The following CRCP variants were observed in gnomAD, a reference collection of about 807,000 sequenced individuals.
The protein encoded by CRCP is DNA-directed RNA polymerase III subunit RPC9.
CRCP carries 18 observed loss-of-function variants against 18.5 expected under a neutral mutation model. The ratio of observed to expected loss-of-function variants is 0.97; its 90% CI spans 0.67 to 1.44. CRCP has a LOEUF of 1.44. CRCP is among the 40% of genes most tolerant of loss of function. The pLI, the probability that CRCP is intolerant of heterozygous loss-of-function variation, is 0.00. For synonymous variants in CRCP, 53 were observed against 62.9 expected (o/e 0.84, Z 0.75); for missense variants, 130 against 176.4 (o/e 0.74, Z 1.49).
At chr7:66,148,209 G>A (rs1788356353) in intron 5 of CRCP, among the ~76,000 whole-genome samples, 1 of 151,998 alleles carries the variant, frequency 6.6e-6, no homozygotes, top group Non-Finnish European at 1.5e-5. Context: ...TAAAAATACA[G>A]AAATTAGCTG....
rs753791882 is a variant in CRCP, at chr7:66,130,774, C to T, written c.76C>T (p.Gln26Ter). The T allele has an allele frequency of 1.0e-5, 16 of 1,607,548 alleles. No homozygotes were observed. In the South Asian group the frequency reaches 1.8e-4, roughly 18 times the overall value. Residue 26 changes from glutamine (Q) to a stop codon, truncating the protein, a stop_gained, in exon 3 of 6, where the codon CAG (glutamine) becomes TAG (stop). Coordinates refer to ENST00000395326, the MANE Select transcript of CRCP (RefSeq NM_014478.5). LOFTEE classifies it high-confidence loss of function. ...TCAGTTACTAACTGATCTGAAAGAG[C>T]AGCGTAAAGAAAGTGGAAAGAATAA... ...VFQLLTDLKE[Q>*]RKESGKNKHS...
chr7:66,150,366 T>C (rs1788422003), intron 5 of CRCP, among the ~76,000 whole-genome samples: 1 of 24,540 alleles, frequency 4.1e-5, no homozygotes, highest in Admixed American at 4.9e-4. Context: ...AGGGGGGGAG[T>C]TGAAGATTGT....
Position 66,152,305 on chromosome 7 carries a change from A to G in CRCP, c.395A>G (p.Gln132Arg), listed in dbSNP as rs763575525. ...CTGCCTGCAGAGCCAGAGGCTGAGCAGAAGAAGAATACAAACAGCAATGTG... is the reference window on the plus strand; with the variant it reads ...CTGCCTGCAGAGCCAGAGGCTGAGCGGAAGAAGAATACAAACAGCAATGTG... ...SILPAEPEAEQKKNTNSNVAM... is the reference protein window; with the variant it reads ...SILPAEPEAERKKNTNSNVAM... The change falls in exon 6 of 6, where the codon CAG (glutamine) becomes CGG (arginine). Residue 132 changes from glutamine to arginine, a missense_variant. Transcript: ENST00000395326. 1 of 1,614,000 alleles carries G rather than the reference A, an allele frequency of 6.2e-7. No homozygotes were observed. The highest frequency in any genetic ancestry group is 1.7e-5 in the Admixed American group (1 of 59,994).
Position 66,126,970 on chromosome 7 carries a change from A to G in CRCP, c.9-734A>G, listed in dbSNP as rs74982897. 2.4e-3 allele frequency among the ~76,000 whole-genome samples: 369 copies of G among 152,250 alleles called. 5 individuals are homozygous for G. Among genetic ancestry groups the G allele is most frequent in the African/African-American group, 8.2e-3 (342 of 41,564 alleles). On this transcript the variant is annotated intron_variant, in intron 1 of 5. Coordinates refer to ENST00000395326, the MANE Select transcript of CRCP (RefSeq NM_014478.5). ...TTTAGAATCCAGGCCATACTTTTAGATACTAGTTTCATCCCATTTTTATTT... is the reference window on the plus strand; with the variant it reads ...TTTAGAATCCAGGCCATACTTTTAGGTACTAGTTTCATCCCATTTTTATTT...
At chr7:66,150,356 A>AACTCTGTCTCAAAAAAAAAAG (rs1554334963) in intron 5 of CRCP, among the ~76,000 whole-genome samples, 12 of 151,400 alleles carry the variant, frequency 7.9e-5, no homozygotes, top group African/African-American at 2.7e-4. Context: ...ACAAGAGTGA[A>AACTCTGTCTCAAAAAAAAAAG]GGGGGGGAGT....
In CRCP at chr7:66,124,044, C is replaced by CAAAAAAAAA. The variant is rs57502731; in HGVS notation, c.9-3632_9-3624dup. On this transcript the variant is annotated intron_variant, in intron 1 of 5. Transcript: ENST00000395326. Reference sequence around the variant, plus strand: ...TGGGTGACAGAGTGAGACTCCGTCTCAAAAAAAAAAAAAAAAAAAAAAAAA... The same window carrying CAAAAAAAAA: ...TGGGTGACAGAGTGAGACTCCGTCTCAAAAAAAAAAAAAAAAAAAAAAAAAAAAAAAAAA... 1.5e-4 allele frequency among the ~76,000 whole-genome samples: 2 copies of CAAAAAAAAA among 13,526 alleles called. 1 individual carries two copies. Among genetic ancestry groups the CAAAAAAAAA allele is most frequent in the Non-Finnish European group, 2.4e-4 (2 of 8,410 alleles). The allele number at this position is 13,526 out of a possible 152,430, so 8.9% of individuals were successfully genotyped here.
At chr7:66,123,393 G>A (rs1787509914) in intron 1 of CRCP, among the ~76,000 whole-genome samples, 1 of 152,144 alleles carries the variant, frequency 6.6e-6, no homozygotes, top group South Asian at 2.1e-4. Flanking sequence ...CTGCTTTGTA[G>A]AGATCAACAG....
At chr7:66,120,759 T>C (rs457292) in intron 1 of CRCP, 19 of 152,306 alleles carry the variant, frequency 1.2e-4, no homozygotes, top group African/African-American at 3.6e-4. Context: ...AATGAAAATA[T>C]AGTATTTGAG....
chr7:66,132,642 G>A (rs539935180), intron 3 of CRCP, among the ~76,000 whole-genome samples: 2 of 152,222 alleles, frequency 1.3e-5, no homozygotes, highest in African/African-American at 4.8e-5. Flanking sequence ...TTGGCTGGGC[G>A]TGGTGGCTCA....
intron 5 of CRCP, among the ~76,000 whole-genome samples, chr7:66,147,197 C>T (rs1452711315): frequency 6.6e-6 from 1 of 152,076 alleles, no homozygotes; most frequent in Admixed American, 6.6e-5. Context: ...CAGAAATTAG[C>T]TGGGCATGAT....
At chr7:66,142,974 A>G (rs1584093824) in intron 4 of CRCP, among the ~76,000 whole-genome samples, 1 of 152,200 alleles carries the variant, frequency 6.6e-6, no homozygotes, top group East Asian at 1.9e-4. Flanking sequence ...ACTTTTTGAC[A>G]GAAGCCTCTT....
chr7:66,139,870 GCTCTC>G (rs1788081084), intron 4 of CRCP, among the ~76,000 whole-genome samples: 1 of 152,200 alleles, frequency 6.6e-6, no homozygotes, highest in South Asian at 2.1e-4. Flanking sequence ...CCCTTCTCTA[GCTCTC>G]CTCTCTGGAA....
At chr7:66,114,840 C>G, upstream of CRCP, 2 of 1,593,868 alleles carry the variant, frequency 1.3e-6, no homozygotes, top group Non-Finnish European at 1.7e-6. Flanking sequence ...TGCAGCGCGG[C>G]GATCCCGGCG....
At chr7:66,129,056 G>A (rs544155591) in intron 2 of CRCP, among the ~76,000 whole-genome samples, 2 of 151,982 alleles carry the variant, frequency 1.3e-5, no homozygotes, top group Admixed American at 6.6e-5. Context: ...ATTAGCGGCC[G>A]GGCGCGGTGT....
intron 5 of CRCP, among the ~76,000 whole-genome samples, chr7:66,151,650 T>C (rs1210339456): frequency 6.7e-6 from 1 of 149,380 alleles, no homozygotes; most frequent in Non-Finnish European, 1.5e-5. Context: ...GAGATGCATA[T>C]GCAACCTGTT....
In CRCP at chr7:66,114,846, CG is replaced by C. The variant is rs769558383; in HGVS notation, c.-115del. ...CTCCCGGCATGCAGCGCGGCGATCC[CG>C]GCGAGCACCTTGGCGCGCGGAGCTG... On this transcript the variant is annotated 5_prime_UTR_variant, in exon 1 of 6. Transcript: ENST00000395326. The C allele has an allele frequency of 5.0e-6, 8 of 1,596,514 alleles. No homozygotes were observed. Among genetic ancestry groups the C allele is most frequent in the Non-Finnish European group, 6.0e-6 (7 of 1,167,326 alleles).
intron 4 of CRCP, among the ~76,000 whole-genome samples, chr7:66,143,557 T>G (rs1009346893): frequency 1.3e-5 from 2 of 152,176 alleles, no homozygotes; most frequent in Admixed American, 6.6e-5. Context: ...GTCATCTCTG[T>G]GGAGTCTCCC....
chr7:66,131,217 G>A (rs978264255), intron 3 of CRCP, among the ~76,000 whole-genome samples: 2 of 152,054 alleles, frequency 1.3e-5, no homozygotes, highest in East Asian at 1.9e-4. Flanking sequence ...CTCGTGATCC[G>A]TCCGCCTAGA....
At chr7:66,139,919 C>T (rs1031427633) in intron 4 of CRCP, among the ~76,000 whole-genome samples, 1 of 152,230 alleles carries the variant, frequency 6.6e-6, no homozygotes, top group East Asian at 1.9e-4. Flanking sequence ...CCACATGATA[C>T]CCCCTTTTGG....
Sources: gnomAD v4.1 joint callset for allele counts (sites outside exome capture counted in the v4.1 genomes callset) on GRCh38, gnomAD v4.1.1 for gene constraint, MANE v1.5 for transcripts, NCBI Gene and HGNC (gene_info 2026-07-23, HGNC 2026-07-21) for gene names.